The following NUAK1 variants were observed in gnomAD, a reference collection of about 807,000 sequenced individuals.
NUAK1 encodes NUAK family SNF1-like kinase 1.
NUAK1 carries 26 observed loss-of-function variants against 56.9 expected under a neutral mutation model. The observed-to-expected ratio is 0.46, with a 90% CI of 0.33 to 0.63. The LOEUF (loss-of-function observed/expected upper bound fraction) is 0.63. Among genes scored for constraint, NUAK1 ranks in the 30% least tolerant of loss-of-function variants. The pLI, the probability that NUAK1 is intolerant of heterozygous loss-of-function variation, is 0.02. For missense variants in NUAK1, 727 were observed against 876.1 expected (o/e 0.83, Z 2.15); for synonymous variants, 337 against 336.0 (o/e 1.00, Z -0.03).
chr12:106,137,190 G>A (rs976952507), intron 1 of NUAK1, among the ~76,000 whole-genome samples: 4 of 152,100 alleles, frequency 2.6e-5, no homozygotes, highest in Admixed American at 1.3e-4. Context: ...TTTGCTGACT[G>A]GCACCCCCAT....
chr12:106,138,474 G>A lies in NUAK1; in HGVS notation c.180C>T (p.Thr60=), dbSNP rs1249209738. The A allele has an allele frequency of 1.2e-6, 2 of 1,613,364 alleles. No homozygotes were observed. The highest frequency in any genetic ancestry group is 1.7e-6 in the Non-Finnish European group (2 of 1,179,824). ...CTTTGCCGTAGGTGCCTTTGCCCAG[G>A]GTCTCCTGCAGCTCGTAGCGGTGCT... The part of the protein sequence containing the change: ...NLKHRYELQE[T]LGKGTYGKVK... The change falls in exon 1 of 7, where the codon ACC becomes ACT. Residue 60 remains threonine (T), a synonymous_variant. Coordinates refer to ENST00000261402, the MANE Select transcript of NUAK1 (RefSeq NM_014840.3). This position sits in a 1 kb window ranked among gnomAD's most constrained non-coding sequence, Gnocchi z 5.0.
intron 1 of NUAK1, among the ~76,000 whole-genome samples, chr12:106,110,422 G>A (rs2032846927): frequency 6.6e-6 from 1 of 152,164 alleles, no homozygotes; most frequent in Admixed American, 6.5e-5. Flanking sequence ...ACTCACACCA[G>A]TAATTACATA....
At position 106,066,692 on chromosome 12, in the gene NUAK1, C is replaced by T. The variant is rs1392249719; in HGVS notation, c.*110G>A. ...CTTGGCCAAGTGAGACAGTGCCAAT[C>T]CTTTTTCAGTCTGTTGTCACAGCCA... On this transcript the variant is annotated 3_prime_UTR_variant, in exon 7 of 7. Transcript: ENST00000261402. The T allele has an allele frequency of 4.2e-6, 4 of 963,480 alleles. No homozygotes were observed. The highest frequency in any genetic ancestry group is 6.2e-6 in the Non-Finnish European group (4 of 640,016). The allele number at this position is 963,480 out of a possible 1,614,324, so 59.7% of individuals were successfully genotyped here. A position where few individuals can be genotyped will look rare whatever the true frequency, so the allele number is the denominator to read the frequency against.
chr12:106,121,618 C>T (rs903933977), intron 1 of NUAK1, among the ~76,000 whole-genome samples: 1 of 152,138 alleles, frequency 6.6e-6, no homozygotes, highest in Non-Finnish European at 1.5e-5. Flanking sequence ...GGCATGGTGG[C>T]GGGTGCCTGC....
rs752522185 is a variant in NUAK1 at position 106,067,479 on chromosome 12, T to C, written c.1309A>G (p.Arg437Gly). 8.7e-6 allele frequency: 14 copies of C among 1,614,200 alleles called. No homozygotes were observed. Among genetic ancestry groups the C allele is most frequent in the Non-Finnish European group, 1.1e-5 (13 of 1,180,040 alleles). ...STFKMEQDLCRTGVLLPSSPE... is the reference protein window; with the variant it reads ...STFKMEQDLCGTGVLLPSSPE... ...GAGCTTGGGAGGAGCACGCCAGTCC[T>C]GCACAAGTCCTGCTCCATCTTGAAA... Residue 437 changes from arginine to glycine, a missense_variant, in exon 7 of 7, where the codon AGG becomes GGG. Arg to Gly is a moderately radical substitution (Grantham distance 125). Coordinates refer to ENST00000261402, the MANE Select transcript of NUAK1 (RefSeq NM_014840.3). This position sits in a 1 kb window ranked among gnomAD's most constrained non-coding sequence, Gnocchi z 6.0.
intron 1 of NUAK1, among the ~76,000 whole-genome samples, chr12:106,136,979 C>T (rs943775300): frequency 5.3e-5 from 8 of 152,192 alleles, no homozygotes; most frequent in Admixed American, 5.2e-4. Flanking sequence ...TTCTCAACTA[C>T]TTGCTTGCTG....
At chr12:106,100,898 A>T (rs2032740778) in intron 2 of NUAK1, among the ~76,000 whole-genome samples, 1 of 152,242 alleles carries the variant, frequency 6.6e-6, no homozygotes, top group Non-Finnish European at 1.5e-5. Flanking sequence ...TAAAGAAGAC[A>T]CTGGCAAGTT....
At chr12:106,120,610 ATGTACTTC>A (rs1337394288) in intron 1 of NUAK1, among the ~76,000 whole-genome samples, 2 of 152,136 alleles carry the variant, frequency 1.3e-5, no homozygotes, top group Non-Finnish European at 2.9e-5. Context: ...GTCCCTCCAA[ATGTACTTC>A]TGTAGTCCCC....
At chr12:106,091,659 G>A (rs896646047) in intron 2 of NUAK1, among the ~76,000 whole-genome samples, 6 of 152,096 alleles carry the variant, frequency 3.9e-5, no homozygotes, top group Admixed American at 1.3e-4. Context: ...ACCAAACATC[G>A]CCGAGAACAA....
chr12:106,123,806 T>C (rs2136481132), intron 1 of NUAK1, among the ~76,000 whole-genome samples: 1 of 152,218 alleles, frequency 6.6e-6, no homozygotes, highest in East Asian at 1.9e-4. Flanking sequence ...AGAGATCTCT[T>C]TCCTCCCCGT....
chr12:106,082,119 C>T (rs1157369714), intron 4 of NUAK1, among the ~76,000 whole-genome samples: 1 of 152,200 alleles, frequency 6.6e-6, no homozygotes. Flanking sequence ...AAAATCTTCA[C>T]GTTTATTATT....
At chr12:106,128,128 C>CTTTTTTTTT (rs199595148) in intron 1 of NUAK1, among the ~76,000 whole-genome samples, 9 of 136,210 alleles carry the variant, frequency 6.6e-5, no homozygotes, top group Admixed American at 2.9e-4. Flanking sequence ...TCTCTCTTTT[C>CTTTTTTTTT]TTTTTCTTTT....
At chr12:106,123,054 C>G (rs2032993623) in intron 1 of NUAK1, among the ~76,000 whole-genome samples, 1 of 152,202 alleles carries the variant, frequency 6.6e-6, no homozygotes, top group East Asian at 1.9e-4. Context: ...TGTTTGAAGA[C>G]TCACTATGTG....
intron 2 of NUAK1, among the ~76,000 whole-genome samples, chr12:106,091,805 T>C (rs557887329): frequency 6.6e-6 from 1 of 152,298 alleles, no homozygotes; most frequent in East Asian, 1.9e-4. Flanking sequence ...TAAGAATAGT[T>C]AATATTTATT....
At position 106,067,795 on chromosome 12, in the gene NUAK1, G is replaced by C; in HGVS notation, c.993C>G (p.Ile331Met). The change falls in exon 7 of 7, where the codon ATC (isoleucine) becomes ATG (methionine). Residue 331 changes from isoleucine to methionine, a missense_variant. Coordinates refer to ENST00000261402, the MANE Select transcript of NUAK1 (RefSeq NM_014840.3). This position sits in a 1 kb window ranked among gnomAD's most constrained non-coding sequence, Gnocchi z 6.0. ...CTGTGGAACGGTGGTGCCAGTCAATGATCCGAGCCAGGAGTGGGGACTCAG... is the reference window on the plus strand; with the variant it reads ...CTGTGGAACGGTGGTGCCAGTCAATCATCCGAGCCAGGAGTGGGGACTCAG... The part of the protein sequence containing the change: ...HDSESPLLAR[I>M]IDWHHRSTGL... 6.2e-7 allele frequency: 1 copy of C among 1,614,186 alleles called. No individual in the cohort carries two copies. Among genetic ancestry groups the C allele is most frequent in the Non-Finnish European group, 8.5e-7 (1 of 1,180,040 alleles).
At chr12:106,094,717 G>A (rs1386637061) in intron 2 of NUAK1, among the ~76,000 whole-genome samples, 1 of 152,190 alleles carries the variant, frequency 6.6e-6, no homozygotes, top group African/African-American at 2.4e-5. Context: ...CAGCCAATGA[G>A]GCCACCCACT....
chr12:106,127,475 T>G (rs2033034917), intron 1 of NUAK1, among the ~76,000 whole-genome samples: 1 of 152,202 alleles, frequency 6.6e-6, no homozygotes. Context: ...GTGAACATTT[T>G]CTGTCTCACA....
intron 1 of NUAK1, among the ~76,000 whole-genome samples, chr12:106,134,186 G>A (rs781213468): frequency 3.3e-5 from 5 of 152,196 alleles, no homozygotes; most frequent in Non-Finnish European, 7.3e-5. Flanking sequence ...AAGATGACAA[G>A]TTTGAACCAC....
In NUAK1 at chr12:106,106,670, A is replaced by G. The variant is rs1008481271; in HGVS notation, c.241-145T>C. 5 of 719,758 alleles carry G rather than the reference A, an allele frequency of 6.9e-6. No individual in the cohort carries two copies. In the African/African-American group the frequency reaches 7.2e-5, roughly 10 times the overall value. The allele number at this position is 719,758 out of a possible 1,614,324, so 44.6% of individuals were successfully genotyped here. ...CAAAGCTTGGAAATGCCCCCTTGTC[A>G]TGTCTTTCATACACAGCAAAAACAC... On this transcript the variant is annotated intron_variant, in intron 1 of 6. Transcript: ENST00000261402.
Sources: gnomAD v4.1 joint callset for allele counts (sites outside exome capture counted in the v4.1 genomes callset) on GRCh38, gnomAD v4.1.1 for gene constraint, Gnocchi (gnomAD v3.1) non-coding constraint, MANE v1.5 for transcripts, NCBI Gene and HGNC (gene_info 2026-07-23, HGNC 2026-07-21) for gene names.